Variants in TOMM40 observed in about 807,000 individuals in gnomAD.
TOMM40 encodes translocase of outer mitochondrial membrane 40.
Under a neutral mutation model 38.4 loss-of-function variants are expected in TOMM40, and 9 were observed. The observed-to-expected ratio is 0.23, with a 90% confidence interval of 0.14 to 0.41. The LOEUF (loss-of-function observed/expected upper bound fraction) is 0.41. TOMM40 is among the 10% of genes least tolerant of loss of function. The probability of loss-of-function intolerance (pLI) is 1.00; values close to 1 mark genes in which losing one functional copy is unlikely to be tolerated. For missense variants in TOMM40, 299 were observed against 486.5 expected (o/e 0.61, Z 3.63); for synonymous variants, 184 against 210.0 (o/e 0.88, Z 1.07).
intron 3 of TOMM40, among the ~76,000 whole-genome samples, chr19:44,893,364 G>C (rs976839900): frequency 2.0e-5 from 3 of 152,222 alleles, no homozygotes; most frequent in Admixed American, 6.5e-5. Context: ...GTGGCCATGT[G>C]GGGGCTAGTT....
intron 5 of TOMM40, among the ~76,000 whole-genome samples, chr19:44,900,087 A>G (rs550125959): frequency 6.6e-6 from 1 of 152,256 alleles, no homozygotes; most frequent in East Asian, 1.9e-4. Context: ...GAGGCTTGAA[A>G]AGGCAGCCCA....
intron 5 of TOMM40, 138 bp from the exon 6 acceptor site, chr19:44,900,592 T>C (rs1969659838): frequency 6.5e-7 from 1 of 1,527,736 alleles, no homozygotes. Context: ...GGGCGATGGG[T>C]TAGGAGAAAG....
intron 5 of TOMM40, among the ~76,000 whole-genome samples, chr19:44,897,287 C>T (rs1317288358): frequency 1.3e-5 from 2 of 152,106 alleles, no homozygotes; most frequent in African/African-American, 4.8e-5. Flanking sequence ...GTCTCATGGC[C>T]TCAGTTCCAA....
intron 5 of TOMM40, among the ~76,000 whole-genome samples, chr19:44,899,411 G>A (rs989053989): frequency 2.6e-5 from 4 of 152,040 alleles, no homozygotes; most frequent in African/African-American, 9.7e-5. Flanking sequence ...ATGGCTCACT[G>A]CAGCCTCCAC....
In TOMM40 at chr19:44,901,123, T is replaced by G; in HGVS notation, c.843+19T>G. 1 of 1,614,146 alleles carries G rather than the reference T, an allele frequency of 6.2e-7. No individual in the cohort carries two copies. The highest frequency in any genetic ancestry group is 8.5e-7 in the Non-Finnish European group (1 of 1,179,940). On this transcript the variant is annotated intron_variant, in intron 7 of 8. Coordinates refer to ENST00000426677, the MANE Select transcript of TOMM40 (RefSeq NM_001128917.2). The stretch of plus-strand genomic sequence containing the variant: ...TGACCAGGTGAGTGGGTGCAGGGAC[T>G]AGCTGGTGCTGCCAGGGGCTGCTGG...
chr19:44,891,451 A>G lies in TOMM40; in HGVS notation c.36A>G (p.Ala12=). 7.7e-7 allele frequency: 1 copy of G among 1,295,652 alleles called. No homozygotes were observed. The highest frequency in any genetic ancestry group is 9.7e-7 in the Non-Finnish European group (1 of 1,027,166). The allele number at this position is 1,295,652 out of a possible 1,614,324, so 80.3% of individuals were successfully genotyped here. ...TGTTGGCTGCCAGCTCGCCGCCCGC[A>G]GGGCCGCCACCGCCGCCTGCGCCGG... is the stretch of plus-strand genomic sequence containing the variant. ...GNVLAASSPP[A]GPPPPPAPAL... The change falls in exon 1 of 9, where the codon GCA becomes GCG. Residue 12 remains alanine (A), a synonymous_variant. Transcript: ENST00000426677.
At chr19:44,897,480 G>A (rs915814621) in intron 5 of TOMM40, among the ~76,000 whole-genome samples, 1 of 151,888 alleles carries the variant, frequency 6.6e-6, no homozygotes, top group South Asian at 2.1e-4. Flanking sequence ...GCCCTGAGAC[G>A]CAGTCTCTGT....
intron 2 of TOMM40, 139 bp downstream of exon 2, chr19:44,892,599 G>A: frequency 1.2e-6 from 1 of 857,436 alleles, no homozygotes; most frequent in Non-Finnish European, 1.9e-6. Context: ...TATAGTGCCA[G>A]ACTGACTACT....
rs1021184148 is a variant in TOMM40, at chr19:44,891,272, G to T, written c.-144G>T. On this transcript the variant is annotated 5_prime_UTR_variant, in exon 1 of 9. Coordinates refer to ENST00000426677, the MANE Select transcript of TOMM40 (RefSeq NM_001128917.2). The stretch of plus-strand genomic sequence containing the variant: ...GCGGGTTCGGTTGCGCGTGGCGCAC[G>T]GGGTGGGAGCGGAGCCCAGGCCGGG... 4.4e-6 allele frequency: 5 copies of T among 1,139,482 alleles called. No individual in the cohort carries two copies. The highest frequency in any genetic ancestry group is 4.4e-5 in the Admixed American group (1 of 22,498). 70.6% of individuals were successfully genotyped at this position (1,139,482 alleles called of 1,614,324 possible).
intron 5 of TOMM40, among the ~76,000 whole-genome samples, chr19:44,894,683 C>T (rs2122750243): frequency 6.6e-6 from 1 of 152,346 alleles, no homozygotes; most frequent in East Asian, 1.9e-4. Flanking sequence ...CCACCTTGAC[C>T]TTCCAAAGTG....
At chr19:44,892,587 G>A (rs34095326) in intron 2 of TOMM40, 127 bp downstream of exon 2, 82,797 of 924,960 alleles carry the variant, frequency 0.09, 4,724 homozygotes, top group Non-Finnish European at 0.11. Context: ...AAGACTCGGA[G>A]ATATAGTGCC....
chr19:44,892,116 G>T (rs577478215), intron 1 of TOMM40, among the ~76,000 whole-genome samples: 1 of 152,166 alleles, frequency 6.6e-6, no homozygotes, highest in Admixed American at 6.5e-5. Context: ...TTCATTATAC[G>T]TTAACTCATT....
At chr19:44,900,592 T>G in intron 5 of TOMM40, 138 bp from the exon 6 acceptor site, 1 of 1,527,736 alleles carries the variant, frequency 6.5e-7, no homozygotes, top group Non-Finnish European at 8.8e-7. Flanking sequence ...GGGCGATGGG[T>G]TAGGAGAAAG....
At position 44,893,782 on chromosome 19, in the gene TOMM40, G is replaced by C; in HGVS notation, c.438G>C (p.Ala146=). The change falls in exon 4 of 9, where the codon GCG becomes GCC. Residue 146 remains alanine (A), a splice_region_variant and synonymous_variant. Coordinates refer to ENST00000426677, the MANE Select transcript of TOMM40 (RefSeq NM_001128917.2). ...VGTKQLSPTE[A]FPVLVGDMDN... is the part of the protein sequence containing the mutation. ...CTTCCGTTCTCTCTGCCTCACAGGC[G>C]TTCCCTGTACTGGTGGGTGACATGG... 2.5e-6 allele frequency: 4 copies of C among 1,611,462 alleles called. No homozygotes were observed. The highest frequency in any genetic ancestry group is 2.5e-6 in the Non-Finnish European group (3 of 1,179,408).
At chr19:44,893,005 C>T in intron 3 of TOMM40, 76 bp downstream of exon 3, 2 of 1,294,044 alleles carry the variant, frequency 1.5e-6, no homozygotes, top group South Asian at 1.4e-5. Context: ...CTAAGACGGC[C>T]TCATCAGGAA....
At chr19:44,894,583 G>T (rs1568607110) in intron 5 of TOMM40, among the ~76,000 whole-genome samples, 1 of 152,046 alleles carries the variant, frequency 6.6e-6, no homozygotes, top group Non-Finnish European at 1.5e-5. Context: ...TTTTAACTGA[G>T]ATTTTCTTTT....
intron 8 of TOMM40, 87 bp downstream of exon 8, chr19:44,901,397 G>A: frequency 6.5e-7 from 1 of 1,541,010 alleles, no homozygotes; most frequent in Non-Finnish European, 8.8e-7. Flanking sequence ...GGTGCTGGAG[G>A]ACAGTGTGCT....
At position 44,901,301 on chromosome 19, in the gene TOMM40, C is replaced by T. The variant is rs1393847574; in HGVS notation, c.937C>T (p.Leu313Phe). Reference sequence around the variant, plus strand: ...GCTGGACCTGCCCAAGGCCAACCTCCTCTTCAAAGGTAAAGGTCTCGGTTC... The same window carrying T: ...GCTGGACCTGCCCAAGGCCAACCTCTTCTTCAAAGGTAAAGGTCTCGGTTC... Reference protein sequence around the residue: ...YQLDLPKANLLFKGSVDSNWI... With the variant: ...YQLDLPKANLFFKGSVDSNWI... The change falls in exon 8 of 9, where the codon CTC becomes TTC. Residue 313 changes from leucine (L) to phenylalanine (F), a missense_variant. Transcript: ENST00000426677. The T allele has an allele frequency of 6.2e-7, 1 of 1,613,924 alleles. No homozygotes were observed. Among genetic ancestry groups the T allele is most frequent in the South Asian group, 1.1e-5 (1 of 90,992 alleles).
At chr19:44,894,264 T>TA (rs1260243968) in intron 5 of TOMM40, among the ~76,000 whole-genome samples, 198 bp downstream of exon 5, 2 of 135,540 alleles carry the variant, frequency 1.5e-5, no homozygotes, top group African/African-American at 5.1e-5. Context: ...GAGCAGTCTT[T>TA]TTTTTTTTTT....
Sources: allele counts gnomAD v4.1 joint callset (sites outside exome capture counted in the v4.1 genomes callset), GRCh38; gene constraint gnomAD v4.1.1; transcripts MANE v1.5; gene names NCBI Gene and HGNC (gene_info 2026-07-23, HGNC 2026-07-21).